Variants in DLG2 observed in about 807,000 individuals in gnomAD.
DLG2 encodes discs large MAGUK scaffold protein 2.
DLG2 carries 45 observed loss-of-function variants against 132.5 expected under a neutral mutation model. That is an observed-to-expected ratio of 0.34 (90% CI 0.27 to 0.44). The LOEUF is 0.44. DLG2 is among the 20% of genes least tolerant of loss of function. The pLI is 1.00. For missense variants in DLG2, 1,045 were observed against 1,196.9 expected, an observed-to-expected ratio of 0.87 and a Z score of 1.87; for synonymous variants, 424 against 419.6, an observed-to-expected ratio of 1.01 and a Z score of -0.13.
chr11:85,093,393 C>A (rs2069153739), intron 6 of DLG2, among the ~76,000 whole-genome samples: 2 of 152,078 alleles, frequency 1.3e-5, no homozygotes, highest in Non-Finnish European at 2.9e-5. Context: ...TATTCCCCAC[C>A]CAGTACACTC....
intron 20 of DLG2, among the ~76,000 whole-genome samples, chr11:83,540,166 G>C (rs1012222773): frequency 1.3e-5 from 2 of 152,232 alleles, no homozygotes; most frequent in South Asian, 2.1e-4. Context: ...CTTTCTTCTA[G>C]AGAACAGCTC....
At chr11:83,490,671 T>C (rs1461037594) in intron 21 of DLG2, among the ~76,000 whole-genome samples, 1 of 151,940 alleles carries the variant, frequency 6.6e-6, no homozygotes, top group Non-Finnish European at 1.5e-5. Flanking sequence ...CATCGCCAAA[T>C]TGTGGGACAA....
At chr11:84,557,697 CTAT>C (rs1451498629) in intron 6 of DLG2, among the ~76,000 whole-genome samples, 1 of 149,386 alleles carries the variant, frequency 6.7e-6, no homozygotes, top group East Asian at 2.0e-4. Context: ...TGGGCTTTTT[CTAT>C]TATTTTCCTT....
At chr11:83,881,290 C>G (rs556368171) in intron 15 of DLG2, among the ~76,000 whole-genome samples, 13 of 152,030 alleles carry the variant, frequency 8.6e-5, no homozygotes, top group Non-Finnish European at 1.9e-4. Flanking sequence ...TATTTGTGAC[C>G]TCAAATGATT....
At chr11:85,079,696 G>A (rs1243382021) in intron 6 of DLG2, among the ~76,000 whole-genome samples, 1 of 152,058 alleles carries the variant, frequency 6.6e-6, no homozygotes, top group Non-Finnish European at 1.5e-5. Flanking sequence ...TTCAAAGCCA[G>A]ATGTGAATGG....
intron 12 of DLG2, among the ~76,000 whole-genome samples, chr11:83,967,628 G>T (rs2090489007): frequency 1.3e-5 from 2 of 151,956 alleles, no homozygotes; most frequent in Admixed American, 6.6e-5. Flanking sequence ...ATAAATTTTG[G>T]TTATTAACCT....
chr11:84,650,103 G>A (rs916245931), intron 6 of DLG2, among the ~76,000 whole-genome samples: 1 of 152,158 alleles, frequency 6.6e-6, no homozygotes, highest in African/African-American at 2.4e-5. Context: ...TGTACCCCAT[G>A]AGCTGAAAAT....
intron 6 of DLG2, among the ~76,000 whole-genome samples, chr11:84,586,737 T>G (rs1214626356): frequency 6.6e-6 from 1 of 152,148 alleles, no homozygotes; most frequent in Non-Finnish European, 1.5e-5. Flanking sequence ...ATTTTATTCC[T>G]CTACTAATTT....
At chr11:85,176,251 T>C (rs502883) in intron 4 of DLG2, among the ~76,000 whole-genome samples, 61,906 of 151,722 alleles carry the variant, frequency 0.41, 13,005 homozygotes, top group African/African-American at 0.46. Context: ...GCATGGTACC[T>C]GTAAAAAAGA....
At chr11:85,189,378 A>G (rs567351555) in intron 4 of DLG2, among the ~76,000 whole-genome samples, 2 of 152,356 alleles carry the variant, frequency 1.3e-5, no homozygotes, top group Non-Finnish European at 2.9e-5. Flanking sequence ...TATACAAACC[A>G]TGCTGTATCT....
intron 7 of DLG2, among the ~76,000 whole-genome samples, chr11:84,281,597 C>G (rs1362435886): frequency 2.8e-5 from 4 of 143,606 alleles, no homozygotes; most frequent in African/African-American, 5.1e-5. Flanking sequence ...CCCCCTCCCC[C>G]CAGCCCACAA....
chr11:83,595,294 CT>C (rs2057385149), intron 19 of DLG2, among the ~76,000 whole-genome samples: 1 of 152,140 alleles, frequency 6.6e-6, no homozygotes. Context: ...TGTATTAAGT[CT>C]TTTCTCTTAC....
chr11:83,997,991 T>A (rs1479461632), intron 11 of DLG2, among the ~76,000 whole-genome samples: 2 of 151,526 alleles, frequency 1.3e-5, no homozygotes, highest in Admixed American at 1.3e-4. Context: ...AAAAATTAGC[T>A]GGGCATGGTG....
chr11:85,271,170 C>T (rs1184588883), intron 4 of DLG2, among the ~76,000 whole-genome samples: 1 of 152,168 alleles, frequency 6.6e-6, no homozygotes, highest in African/African-American at 2.4e-5. Context: ...GCTGCTCCAG[C>T]CATGACTAAC....
chr11:85,019,594 T>C (rs1402229735), intron 6 of DLG2, among the ~76,000 whole-genome samples: 2 of 152,132 alleles, frequency 1.3e-5, no homozygotes, highest in Non-Finnish European at 2.9e-5. Flanking sequence ...ACATTAGGTA[T>C]TTCTCCTAAT....
At chr11:83,512,578 A>T (rs922123482) in intron 21 of DLG2, among the ~76,000 whole-genome samples, 1 of 151,984 alleles carries the variant, frequency 6.6e-6, no homozygotes, top group Non-Finnish European at 1.5e-5. Flanking sequence ...CATGTGCACA[A>T]TGTGCAGGTT....
At chr11:84,951,178 T>C (rs1005429544) in intron 6 of DLG2, among the ~76,000 whole-genome samples, 4 of 152,198 alleles carry the variant, frequency 2.6e-5, no homozygotes, top group African/African-American at 9.6e-5. Flanking sequence ...ACACTGCAAG[T>C]ACCCATACCA....
intron 7 of DLG2, among the ~76,000 whole-genome samples, chr11:84,443,310 T>C (rs2099023128): frequency 6.8e-6 from 1 of 147,862 alleles, no homozygotes; most frequent in African/African-American, 2.7e-5. Flanking sequence ...AATAAGTTCT[T>C]CATAATATAG....
chr11:84,255,981 G>A (rs1437383309), intron 7 of DLG2, among the ~76,000 whole-genome samples: 2 of 152,080 alleles, frequency 1.3e-5, no homozygotes, highest in African/African-American at 2.4e-5. Flanking sequence ...AGAGAAGCAA[G>A]AAGCAAGCAG....
Sources: gnomAD v4.1 joint callset for allele counts (sites outside exome capture counted in the v4.1 genomes callset) on GRCh38, gnomAD v4.1.1 for gene constraint, MANE v1.5 for transcripts, NCBI Gene and HGNC (gene_info 2026-07-23, HGNC 2026-07-21) for gene names.